The following GCA variants were observed in gnomAD, a reference collection of about 807,000 sequenced individuals.
The protein encoded by GCA is grancalcin, also known as grancalcin, EF-hand calcium-binding protein.
In GCA, 30 loss-of-function variants were observed where a neutral mutation model predicts 32.6. The ratio of observed to expected loss-of-function variants is 0.92; its 90% CI spans 0.69 to 1.25. The LOEUF is 1.25. Ranked by LOEUF, GCA falls within the 50% of genes most tolerant of loss-of-function variation. The pLI, the probability that GCA is intolerant of heterozygous loss-of-function variation, is 0.00. For synonymous variants in GCA, 102 were observed against 84.6 expected (o/e 1.21, Z -1.13); for missense variants, 291 against 266.8 (o/e 1.09, Z -0.63).
intron 1 of GCA, among the ~76,000 whole-genome samples, chr2:162,322,327 G>T (rs546125265): frequency 6.6e-6 from 1 of 151,660 alleles, no homozygotes; most frequent in East Asian, 1.9e-4. Context: ...ACCTGCAAAT[G>T]TTTTTGTGAA....
chr2:162,360,597 G>GA lies in GCA; in HGVS notation c.*360dup. The GA allele has an allele frequency of 1.7e-6, 2 of 1,192,364 alleles. No individual in the cohort carries two copies. The highest frequency in any genetic ancestry group is 2.1e-6 in the Non-Finnish European group (2 of 945,794). 73.9% of individuals were successfully genotyped at this position (1,192,364 alleles called of 1,614,324 possible). A position where few individuals can be genotyped will look rare whatever the true frequency, so the allele number is the denominator to read the frequency against. ...TAAGAAGCCAAATAATGAAAGCCTA[G>GA]AAAAAACTAATTTATACTTATCTGA... On this transcript the variant is annotated 3_prime_UTR_variant, in exon 8 of 8. Coordinates refer to ENST00000437150, the MANE Select transcript of GCA (RefSeq NM_012198.5).
In GCA at chr2:162,344,158, C is replaced by G. The variant is rs1167159162; in HGVS notation, c.-91C>G. On this transcript the variant is annotated 5_prime_UTR_variant, in exon 1 of 8. Coordinates refer to ENST00000437150, the MANE Select transcript of GCA (RefSeq NM_012198.5). ...GTGCGCCTTTCAGCCTCACCTGCAG[C>G]TGCGCCTCCTTGCACCTGCGCCTGT... 7 of 1,386,540 alleles carry G rather than the reference C, an allele frequency of 5.0e-6. No homozygotes were observed. In the South Asian group the frequency reaches 5.9e-5, roughly 12 times the overall value. 85.9% of individuals were successfully genotyped at this position (1,386,540 alleles called of 1,614,324 possible).
chr2:162,371,303 C>A (rs914771909), intron 4 of GCA: 13 of 1,281,546 alleles, frequency 1.0e-5, no homozygotes, highest in Admixed American at 2.3e-5. Flanking sequence ...TTTTTTCTTC[C>A]AGTGTGGAGG....
intron 1 of GCA, among the ~76,000 whole-genome samples, chr2:162,334,143 G>A (rs921063490): frequency 5.3e-5 from 8 of 152,090 alleles, no homozygotes; most frequent in Non-Finnish European, 1.2e-4. Context: ...TCCACACTGC[G>A]ACTCACAGAT....
chr2:162,372,560 C>T (rs1194724705), downstream of GCA, among the ~76,000 whole-genome samples: 1 of 151,638 alleles, frequency 6.6e-6, no homozygotes, highest in African/African-American at 2.4e-5. Context: ...TACATGTTTC[C>T]CAGTCATTCA....
upstream of GCA, among the ~76,000 whole-genome samples, chr2:162,339,245 T>TTGG (rs1684366199): frequency 1.3e-5 from 2 of 152,182 alleles, no homozygotes; most frequent in African/African-American, 2.4e-5. Flanking sequence ...CTTCACTTGA[T>TTGG]AGTGTCATAT....
At chr2:162,339,774 C>A (rs1042856628), upstream of GCA, among the ~76,000 whole-genome samples, 8 of 152,180 alleles carry the variant, frequency 5.3e-5, no homozygotes, top group African/African-American at 1.9e-4. Flanking sequence ...CCTCACCAGG[C>A]ACTGACCTTG....
At chr2:162,342,028 A>T (rs553671692), upstream of GCA, among the ~76,000 whole-genome samples, 1 of 152,324 alleles carries the variant, frequency 6.6e-6, no homozygotes, top group Admixed American at 6.5e-5. Flanking sequence ...TAAAAAGCAA[A>T]TTTTTTAAAT....
chr2:162,332,966 T>G (rs1684149873), intron 1 of GCA, among the ~76,000 whole-genome samples: 1 of 152,088 alleles, frequency 6.6e-6, no homozygotes, highest in Non-Finnish European at 1.5e-5. Context: ...GATTATGCAT[T>G]TTTGGAAAGG....
chr2:162,318,892 G>A, upstream of GCA: 1 of 205,402 alleles, frequency 4.9e-6, no homozygotes, highest in Non-Finnish European at 1.0e-5. Context: ...AGCTCCTCCG[G>A]CGGATATTTT....
At chr2:162,343,899 AT>A, upstream of GCA, among the ~76,000 whole-genome samples, 1 of 152,088 alleles carries the variant, frequency 6.6e-6, no homozygotes, top group Non-Finnish European at 1.5e-5. Flanking sequence ...CTTCTTCGGG[AT>A]TTAGAAGGAG....
At position 162,360,304 on chromosome 2, in the gene GCA, T is replaced by C; in HGVS notation, c.*61T>C. 6.4e-7 allele frequency: 1 copy of C among 1,553,566 alleles called. No homozygotes were observed. Among genetic ancestry groups the C allele is most frequent in the Non-Finnish European group, 8.7e-7 (1 of 1,151,158 alleles). On this transcript the variant is annotated 3_prime_UTR_variant, in exon 8 of 8. Coordinates refer to ENST00000437150, the MANE Select transcript of GCA (RefSeq NM_012198.5). The stretch of plus-strand genomic sequence containing the variant: ...ATTCTTTTGTTTGGAAGAAGTGAAC[T>C]GGACTACTTTAAAACTTTTAAGGGT...
chr2:162,327,160 G>A (rs1460911384), intron 1 of GCA, among the ~76,000 whole-genome samples: 1 of 152,196 alleles, frequency 6.6e-6, no homozygotes, highest in Non-Finnish European at 1.5e-5. Flanking sequence ...CCTGTCACCT[G>A]GCTTTGGATT....
At chr2:162,330,930 T>A (rs1684056092) in intron 1 of GCA, among the ~76,000 whole-genome samples, 1 of 152,194 alleles carries the variant, frequency 6.6e-6, no homozygotes, top group African/African-American at 2.4e-5. Flanking sequence ...CATAACTTTG[T>A]TTTGAATGTA....
At chr2:162,364,837 T>C (rs1422271138), downstream of GCA, among the ~76,000 whole-genome samples, 1 of 151,640 alleles carries the variant, frequency 6.6e-6, no homozygotes, top group Non-Finnish European at 1.5e-5. Context: ...TAAAAAGTTA[T>C]TTGCACATGA....
At chr2:162,319,159 C>T (rs886091811) in exon 1 of GCA, 12 of 456,680 alleles carry the variant, frequency 2.6e-5, no homozygotes, top group African/African-American at 2.2e-4. Context: ...GGAGGAAGTC[C>T]TTCCTAAAAT....
At chr2:162,341,769 C>A (rs1168464213), upstream of GCA, among the ~76,000 whole-genome samples, 2 of 152,124 alleles carry the variant, frequency 1.3e-5, no homozygotes, top group Admixed American at 6.5e-5. Context: ...AGGGGACATA[C>A]AATGTTTAAG....
chr2:162,353,071 T>G (rs1027132002), intron 3 of GCA, among the ~76,000 whole-genome samples: 7 of 152,214 alleles, frequency 4.6e-5, no homozygotes, highest in African/African-American at 1.7e-4. Context: ...TTTCCCCGTT[T>G]CTCTTGAGTT....
chr2:162,372,004 T>A (rs769428413), downstream of GCA: 9 of 1,613,758 alleles, frequency 5.6e-6, no homozygotes, highest in African/African-American at 1.1e-4. Context: ...TGAAGTCAAG[T>A]TGTCTTCTGA....
Sources: allele counts gnomAD v4.1 joint callset (sites outside exome capture counted in the v4.1 genomes callset), GRCh38; gene constraint gnomAD v4.1.1; transcripts MANE v1.5; gene names NCBI Gene and HGNC (gene_info 2026-07-23, HGNC 2026-07-21).